The following ANO10 variants were observed in gnomAD, a reference collection of about 807,000 sequenced individuals.
The protein encoded by ANO10 is anoctamin 10.
Under a neutral mutation model 74.7 loss-of-function variants are expected in ANO10, and 77 were observed. The ratio of observed to expected loss-of-function variants is 1.03; its 90% confidence interval spans 0.86 to 1.25. ANO10 has a LOEUF of 1.25. Ranked by LOEUF, ANO10 falls within the 50% of genes most tolerant of loss-of-function variation. ANO10 has a pLI of 0.00. For synonymous variants in ANO10, 279 were observed against 284.9 expected, an observed-to-expected ratio of 0.98 and a Z score of 0.21; for missense variants, 721 against 778.1, an observed-to-expected ratio of 0.93 and a Z score of 0.87.
At chr3:43,471,425 T>C (rs1393951374) in intron 11 of ANO10, among the ~76,000 whole-genome samples, 5 of 152,196 alleles carry the variant, frequency 3.3e-5, no homozygotes. Context: ...AACCTCATCA[T>C]GTCCCTCTGC....
intron 11 of ANO10, among the ~76,000 whole-genome samples, chr3:43,514,055 A>T (rs1055899088): frequency 2.5e-4 from 38 of 151,122 alleles, no homozygotes; most frequent in African/African-American, 8.9e-4. Context: ...ATTACATTAT[A>T]AATAATTGCA....
At chr3:43,478,755 T>C (rs1308126710) in intron 11 of ANO10, among the ~76,000 whole-genome samples, 1 of 152,232 alleles carries the variant, frequency 6.6e-6, no homozygotes, top group African/African-American at 2.4e-5. Flanking sequence ...ACCATACATA[T>C]GTAGCAGATA....
chr3:43,580,337 A>T lies in ANO10; in HGVS notation c.592+16T>A. 1 of 1,613,480 alleles carries T rather than the reference A, an allele frequency of 6.2e-7. No homozygotes were observed. The highest frequency in any genetic ancestry group is 8.5e-7 in the Non-Finnish European group (1 of 1,179,672). On this transcript the variant is annotated intron_variant, in intron 5 of 12. Transcript: ENST00000292246. The stretch of plus-strand genomic sequence containing the variant: ...AGGCCTTCCTCTTCTTTAAGAGAAC[A>T]AGTACTGACACATACCTATGGGCTG...
chr3:43,394,404 T>G (rs2092338190), intron 12 of ANO10, among the ~76,000 whole-genome samples: 1 of 152,182 alleles, frequency 6.6e-6, no homozygotes, highest in Non-Finnish European at 1.5e-5. Context: ...TCTTTTTCCC[T>G]TGTGTCAAAT....
intron 1 of ANO10, among the ~76,000 whole-genome samples, chr3:43,651,807 G>C (rs186768339): frequency 6.6e-6 from 1 of 152,088 alleles, no homozygotes; most frequent in Non-Finnish European, 1.5e-5. Flanking sequence ...TTAATACTTA[G>C]TTCAATCAAG....
At chr3:43,403,611 C>T (rs2092523240) in intron 12 of ANO10, among the ~76,000 whole-genome samples, 1 of 152,202 alleles carries the variant, frequency 6.6e-6, no homozygotes, top group African/African-American at 2.4e-5. Context: ...CCCTGTGCCC[C>T]AGAAGATGGG....
intron 11 of ANO10, among the ~76,000 whole-genome samples, chr3:43,534,471 C>T (rs535152676): frequency 1.4e-5 from 2 of 147,812 alleles, no homozygotes; most frequent in South Asian, 2.1e-4. Context: ...TGAACGTGCG[C>T]GCATGAGAGA....
At chr3:43,467,892 A>G (rs1381997343) in intron 11 of ANO10, among the ~76,000 whole-genome samples, 1 of 152,238 alleles carries the variant, frequency 6.6e-6, no homozygotes, top group Non-Finnish European at 1.5e-5. Context: ...AAAAGAAAAT[A>G]CAAACGAATT....
chr3:43,449,515 C>CTTTTTTTTTTTTTTTT (rs61265406), intron 11 of ANO10, among the ~76,000 whole-genome samples: 5 of 107,124 alleles, frequency 4.7e-5, no homozygotes, highest in Admixed American at 1.1e-4. Context: ...TATCTAGATT[C>CTTTTTTTTTTTTTTTT]TTTTTTTTTT....
chr3:43,467,926 G>A (rs1014223083), intron 11 of ANO10, among the ~76,000 whole-genome samples: 16 of 152,142 alleles, frequency 1.1e-4, no homozygotes, highest in African/African-American at 3.4e-4. Context: ...TCAATTTATA[G>A]CTATGAAACT....
intron 11 of ANO10, among the ~76,000 whole-genome samples, chr3:43,475,229 T>C (rs143928141): frequency 2.2e-4 from 34 of 152,330 alleles, no homozygotes; most frequent in Non-Finnish European, 3.2e-4. Context: ...TATTCAATTA[T>C]CTAATGTTGG....
intron 11 of ANO10, among the ~76,000 whole-genome samples, chr3:43,516,327 T>C (rs1336182237): frequency 6.6e-6 from 1 of 152,080 alleles, no homozygotes; most frequent in Admixed American, 6.5e-5. Flanking sequence ...AGAGCAGAAA[T>C]TGGATGGGAG....
At chr3:43,519,315 T>A (rs888961350) in intron 11 of ANO10, among the ~76,000 whole-genome samples, 17 of 152,310 alleles carry the variant, frequency 1.1e-4, no homozygotes, top group Admixed American at 1.0e-3. Context: ...TGTAATCATA[T>A]CCACAGAGCA....
intron 11 of ANO10, among the ~76,000 whole-genome samples, chr3:43,519,337 A>G (rs1323593962): frequency 6.6e-6 from 1 of 152,182 alleles, no homozygotes; most frequent in Non-Finnish European, 1.5e-5. Flanking sequence ...ATTACATACA[A>G]TTAGATTACA....
At chr3:43,682,177 C>T (rs565283222) in intron 1 of ANO10, among the ~76,000 whole-genome samples, 81 of 152,008 alleles carry the variant, frequency 5.3e-4, no homozygotes, top group Non-Finnish European at 7.4e-4. Context: ...ATTGATAGAC[C>T]GCTAGCAAGA....
At chr3:43,628,156 A>G (rs1009272651) in intron 1 of ANO10, among the ~76,000 whole-genome samples, 1 of 152,202 alleles carries the variant, frequency 6.6e-6, no homozygotes, top group African/African-American at 2.4e-5. Flanking sequence ...GTGTTTACTC[A>G]GCAAGGAGGT....
At chr3:43,678,791 A>C (rs1231066503) in intron 1 of ANO10, among the ~76,000 whole-genome samples, 1 of 152,248 alleles carries the variant, frequency 6.6e-6, no homozygotes, top group African/African-American at 2.4e-5. Flanking sequence ...AATTTGAGCC[A>C]TTATAAGTTG....
intron 11 of ANO10, among the ~76,000 whole-genome samples, chr3:43,508,263 T>C (rs150099710): frequency 6.6e-6 from 1 of 152,144 alleles, no homozygotes; most frequent in Non-Finnish European, 1.5e-5. Flanking sequence ...AAAAAATAGT[T>C]GCAAACCACA....
rs372417265 is a variant in ANO10 at position 43,597,532 on chromosome 3, T to G, written c.472+1000A>C. ...CAAGGACAGAAAACCAAACACCGCA[T>G]GTTCTCACTCATAGATGGGAGGTGA... On this transcript the variant is annotated intron_variant, in intron 4 of 12. Transcript: ENST00000292246. Among the ~76,000 whole-genome samples, 16 of 152,084 alleles carry G rather than the reference T, an allele frequency of 1.1e-4. No homozygotes were observed. The East Asian group carries it at 2.7e-3, about 26-fold the overall frequency.
Sources: gnomAD v4.1 joint callset for allele counts (sites outside exome capture counted in the v4.1 genomes callset) on GRCh38, gnomAD v4.1.1 for gene constraint, MANE v1.5 for transcripts, NCBI Gene and HGNC (gene_info 2026-07-23, HGNC 2026-07-21) for gene names.